HRH1: variants seen among roughly 807,000 people sequenced by gnomAD.
The protein encoded by HRH1 is histamine receptor H1, also known as histamine H1 receptor.
In HRH1, 6 loss-of-function variants were observed where a neutral mutation model predicts 10.3. The ratio of observed to expected loss-of-function variants is 0.58; its 90% CI spans 0.32 to 1.15. The LOEUF is 1.15. HRH1 is among the 50% of genes most tolerant of loss of function. The pLI is 0.05. For synonymous variants in HRH1, 242 were observed against 236.7 expected, an observed-to-expected ratio of 1.02 and a Z score of -0.21; for missense variants, 514 against 615.3, an observed-to-expected ratio of 0.84 and a Z score of 1.74.
At chr3:11,151,941 C>T (rs889315566), upstream of HRH1, among the ~76,000 whole-genome samples, 1 of 152,216 alleles carries the variant, frequency 6.6e-6, no homozygotes, top group African/African-American at 2.4e-5. Flanking sequence ...CTACTTATTT[C>T]TTCTCATTGC....
chr3:11,146,751 G>A (rs952443857), intron 1 of HRH1, among the ~76,000 whole-genome samples: 8 of 152,180 alleles, frequency 5.3e-5, no homozygotes, highest in African/African-American at 1.9e-4. Context: ...AGAAACGAAT[G>A]GGTGTTTGGG....
intron 1 of HRH1, among the ~76,000 whole-genome samples, chr3:11,231,813 G>A (rs1272170759): frequency 6.6e-6 from 1 of 152,018 alleles, no homozygotes; most frequent in Non-Finnish European, 1.5e-5. Flanking sequence ...TTCACAGAAC[G>A]AAAATTTTCC....
intron 1 of HRH1, among the ~76,000 whole-genome samples, chr3:11,190,766 G>A (rs553021904): frequency 2.2e-4 from 33 of 152,238 alleles, no homozygotes; most frequent in South Asian, 2.1e-4. Flanking sequence ...TGGGAGGATC[G>A]CTTGAGCCGT....
chr3:11,138,461 G>T (rs1407905126), intron 1 of HRH1, among the ~76,000 whole-genome samples: 1 of 152,156 alleles, frequency 6.6e-6, no homozygotes, highest in African/African-American at 2.4e-5. Flanking sequence ...CACTCACTAG[G>T]AGGGCTATAA....
Position 11,139,016 on chromosome 3 carries a change from T to C in HRH1, c.-36+1617T>C, listed in dbSNP as rs183912251. The stretch of plus-strand genomic sequence containing the variant: ...TTTTTTTTTTTTTTTAGAAAGAATT[T>C]TGCTCTTGTTGCCCAGGCTAGAGTG... On this transcript the variant is annotated intron_variant, in intron 1 of 1. Transcript: ENST00000438284. Among the ~76,000 whole-genome samples, 93 of 151,194 alleles carry C rather than the reference T, an allele frequency of 6.2e-4. 1 individual carries two copies. The highest frequency in any genetic ancestry group is 3.4e-3 in the Middle Eastern group (1 of 292).
At chr3:11,201,476 C>T (rs892560891) in intron 1 of HRH1, among the ~76,000 whole-genome samples, 20 of 152,098 alleles carry the variant, frequency 1.3e-4, no homozygotes, top group African/African-American at 4.8e-4. Flanking sequence ...GTGGGAGGGG[C>T]AGAGAAAGAC....
intron 1 of HRH1, among the ~76,000 whole-genome samples, chr3:11,182,653 A>G (rs1937380292): frequency 6.6e-6 from 1 of 152,158 alleles, no homozygotes; most frequent in African/African-American, 2.4e-5. Context: ...CATCTGTGAA[A>G]TGGAGGGGAG....
At chr3:11,190,389 A>C (rs934725218) in intron 1 of HRH1, among the ~76,000 whole-genome samples, 35 of 150,890 alleles carry the variant, frequency 2.3e-4, no homozygotes, top group African/African-American at 8.2e-4. Context: ...TAATTTATTT[A>C]TTTATTTTGT....
intron 1 of HRH1, among the ~76,000 whole-genome samples, chr3:11,223,553 T>C (rs558212966): frequency 2.0e-4 from 31 of 152,194 alleles, no homozygotes; most frequent in Middle Eastern, 3.4e-3. Context: ...CAACACCCTT[T>C]AGAGTTCCTC....
intron 1 of HRH1, among the ~76,000 whole-genome samples, chr3:11,238,459 G>A (rs1283989574): frequency 6.6e-6 from 1 of 152,184 alleles, no homozygotes; most frequent in Non-Finnish European, 1.5e-5. Flanking sequence ...CACTGGTGTA[G>A]TGAAATAGAT....
At position 11,227,475 on chromosome 3, in the gene HRH1, C is replaced by T. The variant is rs138622599; in HGVS notation, c.-35-31528C>T. Among the ~76,000 whole-genome samples, 717 of 151,952 alleles carry T rather than the reference C, an allele frequency of 4.7e-3. 5 individuals carry two copies. The highest frequency in any genetic ancestry group is 7.0e-3 in the Non-Finnish European group (475 of 67,952). Reference sequence around the variant, plus strand: ...CTAATTTTTGTATTTTTAGTGGAGACGAGGTTTCCCCATGTTGTCCAGGCT... The same window carrying T: ...CTAATTTTTGTATTTTTAGTGGAGATGAGGTTTCCCCATGTTGTCCAGGCT... On this transcript the variant is annotated intron_variant, in intron 1 of 1. Transcript: ENST00000431010.
intron 1 of HRH1, among the ~76,000 whole-genome samples, chr3:11,183,754 G>A (rs923265855): frequency 1.5e-4 from 23 of 149,200 alleles, no homozygotes; most frequent in African/African-American, 5.7e-4. Context: ...GTCTCGCTCT[G>A]TCGCCCAGGC....
At chr3:11,254,574 C>A (rs1939736650) in intron 1 of HRH1, among the ~76,000 whole-genome samples, 1 of 152,202 alleles carries the variant, frequency 6.6e-6, no homozygotes, top group Non-Finnish European at 1.5e-5. Flanking sequence ...TCCCTCATTG[C>A]TAGAGTCCAG....
chr3:11,137,991 A>AT, intron 1 of HRH1, among the ~76,000 whole-genome samples: 1 of 152,044 alleles, frequency 6.6e-6, no homozygotes, highest in Non-Finnish European at 1.5e-5. Flanking sequence ...TACACCTGAT[A>AT]CAGGTGTACT....
intron 1 of HRH1, among the ~76,000 whole-genome samples, chr3:11,149,037 T>C (rs149156613): frequency 2.6e-5 from 4 of 152,286 alleles, no homozygotes; most frequent in Non-Finnish European, 5.9e-5. Flanking sequence ...AGGTGTTATG[T>C]TGCTTTGCAT....
intron 1 of HRH1, among the ~76,000 whole-genome samples, chr3:11,213,520 C>G (rs1386556439): frequency 6.6e-6 from 1 of 152,212 alleles, no homozygotes; most frequent in African/African-American, 2.4e-5. Flanking sequence ...AGTCCAAGAT[C>G]AAGGTGCCAG....
At position 11,260,782 on chromosome 3, in the gene HRH1, A is replaced by T; in HGVS notation, c.*281A>T. 2.6e-6 allele frequency: 1 copy of T among 379,562 alleles called. No individual in the cohort carries two copies. The highest frequency in any genetic ancestry group is 4.9e-6 in the Non-Finnish European group (1 of 203,138). The allele number at this position is 379,562 out of a possible 1,614,324, so 23.5% of individuals were successfully genotyped here. A position where few individuals can be genotyped will look rare whatever the true frequency, so the allele number is the denominator to read the frequency against. On this transcript the variant is annotated 3_prime_UTR_variant, in exon 2 of 2. Transcript: ENST00000431010. The stretch of plus-strand genomic sequence containing the variant: ...TCAAAAAGAAAAAAATAATAAAAAT[A>T]AAAGAGAGAGAGAATCAGACCTGGG...
At chr3:11,173,433 C>T (rs980059404) in intron 1 of HRH1, among the ~76,000 whole-genome samples, 2 of 151,678 alleles carry the variant, frequency 1.3e-5, no homozygotes, top group African/African-American at 2.4e-5. Flanking sequence ...GATGGAGTCT[C>T]GCTCTGTCGC....
At chr3:11,156,897 G>A (rs73130403) in intron 1 of HRH1, among the ~76,000 whole-genome samples, 8,493 of 152,272 alleles carry the variant, frequency 0.056, 540 homozygotes, top group African/African-American at 0.15. Flanking sequence ...CTGGTTAGAT[G>A]TAATGTGTGC....
Sources: gnomAD v4.1 joint callset for allele counts (sites outside exome capture counted in the v4.1 genomes callset) on GRCh38, gnomAD v4.1.1 for gene constraint, MANE v1.5 for transcripts, NCBI Gene and HGNC (gene_info 2026-07-23, HGNC 2026-07-21) for gene names.